Variants in LINGO2 observed in about 807,000 individuals in gnomAD.
The protein encoded by LINGO2 is leucine rich repeat and Ig domain containing 2, also known as leucine-rich repeat and immunoglobulin-like domain-containing nogo receptor-interacting protein 2.
Under a neutral mutation model 30.6 loss-of-function variants are expected in LINGO2, and 14 were observed. The observed-to-expected ratio is 0.46, with a 90% CI of 0.30 to 0.72. The LOEUF is 0.72. LINGO2 is among the 30% of genes least tolerant of loss of function. The pLI, the probability that LINGO2 is intolerant of heterozygous loss-of-function variation, is 0.07. For missense variants in LINGO2, 729 were observed against 751.7 expected, an observed-to-expected ratio of 0.97 and a Z score of 0.35; for synonymous variants, 317 against 288.5, an observed-to-expected ratio of 1.10 and a Z score of -1.00.
At chr9:29,191,289 A>T in the LINGO2 span, among the ~76,000 whole-genome samples, 1 of 152,200 alleles carries the variant, frequency 6.6e-6, no homozygotes, top group Non-Finnish European at 1.5e-5. Flanking sequence ...GGTATATACA[A>T]GAAAAACTTG....
chr9:29,065,253 G>A, the LINGO2 span, among the ~76,000 whole-genome samples: 1 of 152,132 alleles, frequency 6.6e-6, no homozygotes, highest in East Asian at 1.9e-4. Context: ...TTATTTTGCT[G>A]TGTAGAAGCT....
At chr9:28,197,558 T>C (rs571671022) in intron 4 of LINGO2, among the ~76,000 whole-genome samples, 3 of 152,100 alleles carry the variant, frequency 2.0e-5, no homozygotes, top group South Asian at 4.1e-4. Context: ...TTTTTATTAA[T>C]ATATGTTCCA....
At chr9:29,112,313 A>AT in the LINGO2 span, among the ~76,000 whole-genome samples, 3 of 152,014 alleles carry the variant, frequency 2.0e-5, no homozygotes, top group Non-Finnish European at 4.4e-5. Context: ...CAGAAGTGCA[A>AT]TTTTTTGGGC....
intron 4 of LINGO2, among the ~76,000 whole-genome samples, chr9:28,015,179 G>A (rs1377907650): frequency 6.6e-6 from 1 of 152,130 alleles, no homozygotes; most frequent in East Asian, 1.9e-4. Flanking sequence ...ATATTAGTGG[G>A]AAGTAATTCT....
chr9:28,244,346 A>G (rs11506510), intron 4 of LINGO2, among the ~76,000 whole-genome samples: 20,892 of 152,186 alleles, frequency 0.14, 1,630 homozygotes, highest in African/African-American at 0.21. Flanking sequence ...GGAAATTGAT[A>G]GCACTAAATG....
At chr9:28,004,471 C>T (rs984975121) in intron 5 of LINGO2, among the ~76,000 whole-genome samples, 10 of 152,060 alleles carry the variant, frequency 6.6e-5, no homozygotes, top group African/African-American at 1.9e-4. Context: ...TACTAGAAGA[C>T]GTACCTTCTT....
intron 3 of LINGO2, among the ~76,000 whole-genome samples, chr9:28,303,619 TCTATTTATTAAATA>T (rs1824232425): frequency 6.6e-6 from 1 of 152,154 alleles, no homozygotes; most frequent in Non-Finnish European, 1.5e-5. Flanking sequence ...TTTTGTGTGC[TCTATTTATTAAATA>T]CTGTAATCTT....
Position 28,654,218 on chromosome 9 carries a change from C to T in LINGO2, c.-365+15982G>A, listed in dbSNP as rs77147232. ...ATATTTGCTTAGGACAAGAGAAAAG[C>T]TTTGAACTAACAAATTATCTATGCA... On this transcript the variant is annotated intron_variant, in intron 1 of 5. Coordinates refer to ENST00000379992, the Ensembl canonical transcript of LINGO2. 9.4e-3 allele frequency among the ~76,000 whole-genome samples: 1,429 copies of T among 152,154 alleles called. 29 individuals carry two copies. The highest frequency in any genetic ancestry group is 0.08 in the East Asian group (413 of 5,162).
At chr9:28,498,581 A>G (rs1819754092) in intron 1 of LINGO2, among the ~76,000 whole-genome samples, 1 of 152,034 alleles carries the variant, frequency 6.6e-6, no homozygotes, top group Non-Finnish European at 1.5e-5. Flanking sequence ...TAGGAAAGGG[A>G]ACTCCCAGAC....
At chr9:28,752,650 T>C in the LINGO2 span, among the ~76,000 whole-genome samples, 5 of 152,108 alleles carry the variant, frequency 3.3e-5, no homozygotes, top group Non-Finnish European at 4.4e-5. Context: ...TTTCTCCATA[T>C]TCACCAAGTT....
At chr9:28,105,730 C>T (rs1826568740) in intron 4 of LINGO2, among the ~76,000 whole-genome samples, 1 of 152,058 alleles carries the variant, frequency 6.6e-6, no homozygotes, top group Non-Finnish European at 1.5e-5. Flanking sequence ...CTCTCTCTCT[C>T]TCTCTCTCTT....
At chr9:28,563,187 A>T (rs1017807320) in intron 1 of LINGO2, among the ~76,000 whole-genome samples, 58 of 152,222 alleles carry the variant, frequency 3.8e-4, no homozygotes, top group Non-Finnish European at 3.4e-4. Context: ...TGAGGGAACT[A>T]ACTTTCAGTG....
the LINGO2 span, among the ~76,000 whole-genome samples, chr9:29,087,819 C>A: frequency 6.6e-6 from 1 of 152,052 alleles, no homozygotes; most frequent in Non-Finnish European, 1.5e-5. Flanking sequence ...TATATCCCAG[C>A]TCTAGAACTT....
chr9:28,843,898 T>C, the LINGO2 span, among the ~76,000 whole-genome samples: 1 of 151,856 alleles, frequency 6.6e-6, no homozygotes, highest in African/African-American at 2.4e-5. Flanking sequence ...GCTCTACTTC[T>C]TACAGACTAG....
chr9:28,828,095 T>C, the LINGO2 span, among the ~76,000 whole-genome samples: 11 of 151,850 alleles, frequency 7.2e-5, no homozygotes, highest in African/African-American at 2.4e-4. Context: ...TGCAAAGCTA[T>C]GAATATATTA....
chr9:28,965,930 A>T, the LINGO2 span, among the ~76,000 whole-genome samples: 1 of 152,208 alleles, frequency 6.6e-6, no homozygotes, highest in Non-Finnish European at 1.5e-5. Context: ...TCTAGACAGG[A>T]TATTTTTGCG....
At chr9:29,117,077 A>G in the LINGO2 span, among the ~76,000 whole-genome samples, 1 of 152,216 alleles carries the variant, frequency 6.6e-6, no homozygotes, top group Admixed American at 6.5e-5. Context: ...ATTATGTAAC[A>G]CAATTACATA....
chr9:28,651,554 T>C (rs1828103394), intron 1 of LINGO2, among the ~76,000 whole-genome samples: 1 of 152,124 alleles, frequency 6.6e-6, no homozygotes, highest in South Asian at 2.1e-4. Flanking sequence ...GGGCTTGATC[T>C]AACTCATCAG....
the LINGO2 span, among the ~76,000 whole-genome samples, chr9:28,968,041 T>A: frequency 6.6e-6 from 1 of 152,310 alleles, no homozygotes; most frequent in Non-Finnish European, 1.5e-5. Context: ...AAGTTTATAT[T>A]ATTTGACACC....
Sources: allele counts gnomAD v4.1 joint callset (sites outside exome capture counted in the v4.1 genomes callset), GRCh38; gene constraint gnomAD v4.1.1; transcripts MANE v1.5; gene names NCBI Gene and HGNC (gene_info 2026-07-23, HGNC 2026-07-21).